The following ELMO2 variants were observed in gnomAD, a reference collection of about 807,000 sequenced individuals.
ELMO2 encodes the protein engulfment and cell motility 2.
ELMO2 carries 37 observed loss-of-function variants against 96.2 expected under a neutral mutation model. The ratio of observed to expected loss-of-function variants is 0.38; its 90% CI spans 0.30 to 0.51. The LOEUF (loss-of-function observed/expected upper bound fraction) is 0.51. ELMO2 is among the 20% of genes least tolerant of loss of function. The pLI is 0.88. For missense variants in ELMO2, 561 were observed against 912.6 expected (o/e 0.61, Z 4.96); for synonymous variants, 315 against 329.4 (o/e 0.96, Z 0.47).
At chr20:46,373,562 G>A in intron 15 of ELMO2, 27 bp from the exon 16 acceptor site, 1 of 1,612,514 alleles carries the variant, frequency 6.2e-7, no homozygotes, top group Non-Finnish European at 8.5e-7. Flanking sequence ...ACAGGGAGAA[G>A]ATGAAGCCTC....
chr20:46,402,598 G>A (rs1196712963), intron 1 of ELMO2, among the ~76,000 whole-genome samples: 1 of 152,226 alleles, frequency 6.6e-6, no homozygotes, highest in African/African-American at 2.4e-5. Flanking sequence ...GGTGTGCTGG[G>A]AAGAGTCCTG....
chr20:46,387,888 C>T (rs2060078044), intron 7 of ELMO2: 2 of 153,272 alleles, frequency 1.3e-5, no homozygotes, highest in Non-Finnish European at 2.9e-5. Flanking sequence ...TTTATCTTTT[C>T]AAAATTCAAT....
intron 11 of ELMO2, 82 bp downstream of exon 11, chr20:46,380,171 T>C: frequency 1.6e-6 from 2 of 1,223,910 alleles, no homozygotes; most frequent in Non-Finnish European, 2.4e-6. Context: ...CACTCATTAA[T>C]AATTTCAATA....
Position 46,368,933 on chromosome 20 carries a change from G to T in ELMO2, c.1920C>A (p.Asp640Glu). The change falls in exon 21 of 22, where the codon GAC becomes GAA. Residue 640 changes from aspartate to glutamate, a missense_variant. Transcript: ENST00000290246. ...CGATGAAGTTTAAGGTCTCATCAGG[G>T]TCATACAGGATGGAGAAGGCCAATT... The part of the protein sequence containing the change: ...VLELAFSILY[D>E]PDETLNFIAP... 6.2e-7 allele frequency: 1 copy of T among 1,614,192 alleles called. No homozygotes were observed. Among genetic ancestry groups the T allele is most frequent in the Non-Finnish European group, 8.5e-7 (1 of 1,180,034 alleles).
At chr20:46,399,733 C>T (rs2060304906) in intron 1 of ELMO2, among the ~76,000 whole-genome samples, 1 of 152,228 alleles carries the variant, frequency 6.6e-6, no homozygotes, top group Non-Finnish European at 1.5e-5. Flanking sequence ...TGCTTAAACC[C>T]AATGGCTCTG....
In ELMO2 at chr20:46,375,426, A is replaced by T; in HGVS notation, c.931-56T>A. ...AATCGGCTAACCAAGGGAGCAAGGA[A>T]AAGAAACAGTGGGTCAGGCTTTTCT... On this transcript the variant is annotated intron_variant, in intron 12 of 21. Coordinates refer to ENST00000290246, the MANE Select transcript of ELMO2 (RefSeq NM_133171.5). This position sits in a 1 kb window ranked among gnomAD's most constrained non-coding sequence, Gnocchi z 4.6. 6.3e-7 allele frequency: 1 copy of T among 1,599,762 alleles called. No homozygotes were observed. The highest frequency in any genetic ancestry group is 2.2e-5 in the East Asian group (1 of 44,656).
intron 8 of ELMO2, among the ~76,000 whole-genome samples, chr20:46,386,612 G>C (rs1463415604): frequency 1.3e-5 from 2 of 152,142 alleles, no homozygotes; most frequent in Non-Finnish European, 2.9e-5. Flanking sequence ...TTATCTCCAT[G>C]TACCTCCCCT....
intron 13 of ELMO2, among the ~76,000 whole-genome samples, chr20:46,374,987 C>T (rs1468011810): frequency 6.6e-6 from 1 of 152,226 alleles, no homozygotes; most frequent in African/African-American, 2.4e-5. Flanking sequence ...GACAGGTCCC[C>T]TCTCTACCCA....
chr20:46,368,806 G>A (rs2145751005), intron 21 of ELMO2, 85 bp downstream of exon 21: 43 of 1,438,740 alleles, frequency 3.0e-5, no homozygotes, highest in Non-Finnish European at 4.2e-5. Flanking sequence ...CACCACAGGG[G>A]ACTTTCCTGT....
intron 16 of ELMO2, 122 bp downstream of exon 16, chr20:46,373,277 C>T: frequency 7.3e-7 from 1 of 1,378,326 alleles, no homozygotes; most frequent in Non-Finnish European, 9.9e-7. Context: ...AGTCTTGTGA[C>T]TCAGTTCTGC....
intron 21 of ELMO2, among the ~76,000 whole-genome samples, chr20:46,368,103 T>G (rs966652784): frequency 6.6e-6 from 1 of 152,138 alleles, no homozygotes; most frequent in Non-Finnish European, 1.5e-5. Flanking sequence ...TCTTCCTGCT[T>G]CCTCTGCTGC....
At position 46,371,471 on chromosome 20, in the gene ELMO2, G is replaced by A. The variant is rs758459502; in HGVS notation, c.1694-12C>T. The A allele has an allele frequency of 5.0e-6, 8 of 1,614,206 alleles. No homozygotes were observed. Among genetic ancestry groups the A allele is most frequent in the Non-Finnish European group, 5.9e-6 (7 of 1,180,022 alleles). The stretch of plus-strand genomic sequence containing the variant: ...GTACCAGAACCGTTCTGGAACACAA[G>A]GGAAGCCAAACAGGTGAGCAACGAC... On this transcript the variant is annotated splice_polypyrimidine_tract_variant and intron_variant, in intron 18 of 21. Transcript: ENST00000290246. This position sits in a 1 kb window ranked among gnomAD's most constrained non-coding sequence, Gnocchi z 5.9.
At chr20:46,385,112 C>G (rs1176612990) in intron 9 of ELMO2, among the ~76,000 whole-genome samples, 2 of 152,144 alleles carry the variant, frequency 1.3e-5, no homozygotes, top group Non-Finnish European at 1.5e-5. Context: ...ACTATAAACT[C>G]CCAAATCTGG....
At chr20:46,374,156 G>C (rs1337367314) in intron 15 of ELMO2, among the ~76,000 whole-genome samples, 176 bp downstream of exon 15, 3 of 141,420 alleles carry the variant, frequency 2.1e-5, no homozygotes. Flanking sequence ...TGCCCAGACT[G>C]GTTTTGGACT....
At chr20:46,380,750 C>T (rs2059941438) in intron 10 of ELMO2, among the ~76,000 whole-genome samples, 1 of 152,154 alleles carries the variant, frequency 6.6e-6, no homozygotes, top group Admixed American at 6.5e-5. Flanking sequence ...TCCAGCAACC[C>T]CCTCCCACCC....
At chr20:46,373,579 C>T (rs750664362) in intron 15 of ELMO2, 44 bp from the exon 16 acceptor site, 3 of 1,607,248 alleles carry the variant, frequency 1.9e-6, no homozygotes, top group South Asian at 2.2e-5. Flanking sequence ...CCTCTGTCCA[C>T]AAGGGCCTGG....
At chr20:46,392,585 T>C (rs1238150388) in intron 6 of ELMO2, among the ~76,000 whole-genome samples, 1 of 152,216 alleles carries the variant, frequency 6.6e-6, no homozygotes, top group Non-Finnish European at 1.5e-5. Flanking sequence ...AGTTGAAACC[T>C]ACGAGTAGGC....
chr20:46,390,889 G>C (rs934363924), intron 6 of ELMO2: 1 of 152,208 alleles, frequency 6.6e-6, no homozygotes, highest in African/African-American at 2.4e-5. Flanking sequence ...AGAAGCCCTC[G>C]CTATCTCTAC....
intron 10 of ELMO2, among the ~76,000 whole-genome samples, chr20:46,380,533 T>C (rs2059937117): frequency 6.6e-6 from 1 of 152,232 alleles, no homozygotes; most frequent in Admixed American, 6.5e-5. Context: ...TAGGATTTCC[T>C]TTCCTAATGG....
Sources: allele counts gnomAD v4.1 joint callset (sites outside exome capture counted in the v4.1 genomes callset), GRCh38; gene constraint gnomAD v4.1.1; non-coding constraint Gnocchi (gnomAD v3.1); transcripts MANE v1.5; gene names NCBI Gene and HGNC (gene_info 2026-07-23, HGNC 2026-07-21).